The following MACROD2 variants were observed in gnomAD, a reference collection of about 807,000 sequenced individuals.
MACROD2 encodes the protein ADP-ribose glycohydrolase MACROD2.
In MACROD2, 36 loss-of-function variants were observed where a neutral mutation model predicts 70.4. The observed-to-expected ratio is 0.51, with a 90% CI of 0.39 to 0.68. The LOEUF is 0.68. Ranked by LOEUF, MACROD2 falls within the 30% of genes least tolerant of loss-of-function variation. MACROD2 has a pLI of 0.00. For synonymous variants in MACROD2, 172 were observed against 178.8 expected, an observed-to-expected ratio of 0.96 and a Z score of 0.30; for missense variants, 496 against 538.4, an observed-to-expected ratio of 0.92 and a Z score of 0.78.
intron 4 of MACROD2, among the ~76,000 whole-genome samples, chr20:14,654,169 C>G (rs796885477): frequency 2.6e-4 from 39 of 151,942 alleles, no homozygotes; most frequent in African/African-American, 8.0e-4. Flanking sequence ...AAAAAGAAAC[C>G]AAAAGTGCTA....
At chr20:16,002,697 C>T (rs57376692) in intron 15 of MACROD2, among the ~76,000 whole-genome samples, 1,663 of 152,272 alleles carry the variant, frequency 0.011, 24 homozygotes, top group African/African-American at 0.038. Context: ...GACACCTTGA[C>T]GCTAGCCTCA....
intron 6 of MACROD2, among the ~76,000 whole-genome samples, chr20:15,304,731 T>C (rs1451958799): frequency 2.7e-5 from 4 of 149,970 alleles, no homozygotes; most frequent in Admixed American, 2.0e-4. Context: ...GCCTGCCTTA[T>C]CTAAAAAAAA....
At chr20:14,107,349 A>G (rs1326400602) in intron 3 of MACROD2, among the ~76,000 whole-genome samples, 1 of 152,156 alleles carries the variant, frequency 6.6e-6, no homozygotes, top group Admixed American at 6.6e-5. Context: ...ATACACAGTC[A>G]GAAGAAACAA....
chr20:15,060,597 C>T (rs905434988), intron 5 of MACROD2, among the ~76,000 whole-genome samples: 1 of 152,160 alleles, frequency 6.6e-6, no homozygotes, highest in Non-Finnish European at 1.5e-5. Context: ...GCCTTCATTT[C>T]CCCAGCCTTT....
At chr20:15,554,040 G>A (rs1465908142) in intron 8 of MACROD2, among the ~76,000 whole-genome samples, 1 of 152,206 alleles carries the variant, frequency 6.6e-6, no homozygotes, top group East Asian at 1.9e-4. Flanking sequence ...GAAAAATAAG[G>A]GAGAGGGCTA....
intron 13 of MACROD2, among the ~76,000 whole-genome samples, chr20:15,982,403 A>G (rs1202206997): frequency 1.3e-5 from 2 of 152,150 alleles, no homozygotes; most frequent in Non-Finnish European, 2.9e-5. Flanking sequence ...TCTTTACTGT[A>G]CAAGTCTAAA....
intron 8 of MACROD2, among the ~76,000 whole-genome samples, chr20:15,664,117 A>C (rs1352637127): frequency 6.6e-6 from 1 of 152,218 alleles, no homozygotes; most frequent in African/African-American, 2.4e-5. Context: ...GACTAAATTA[A>C]AGAAATCACC....
At chr20:14,978,627 C>G (rs1199758793) in intron 5 of MACROD2, among the ~76,000 whole-genome samples, 2 of 145,560 alleles carry the variant, frequency 1.4e-5, no homozygotes, top group Non-Finnish European at 3.0e-5. Context: ...TCCCAACCCC[C>G]CCACCCCACC....
At chr20:14,917,983 T>C (rs1374656515) in intron 5 of MACROD2, among the ~76,000 whole-genome samples, 3 of 152,108 alleles carry the variant, frequency 2.0e-5, no homozygotes, top group Non-Finnish European at 4.4e-5. Context: ...TGTTTTGTTT[T>C]TGTTTTTGAG....
At chr20:14,572,194 A>C (rs1431943034) in intron 4 of MACROD2, among the ~76,000 whole-genome samples, 1 of 152,150 alleles carries the variant, frequency 6.6e-6, no homozygotes, top group Non-Finnish European at 1.5e-5. Context: ...TAGGCCAATC[A>C]TATATGGATT....
At chr20:15,476,147 T>A (rs566026046) in intron 7 of MACROD2, among the ~76,000 whole-genome samples, 30 of 152,332 alleles carry the variant, frequency 2.0e-4, no homozygotes, top group African/African-American at 7.0e-4. Context: ...CACTTCACAA[T>A]GTTATACTTT....
intron 5 of MACROD2, among the ~76,000 whole-genome samples, chr20:14,899,390 G>A (rs2073869059): frequency 6.6e-6 from 1 of 152,140 alleles, no homozygotes; most frequent in African/African-American, 2.4e-5. Context: ...AGATCAAGGT[G>A]CTGGGTTTGC....
chr20:14,219,334 C>A (rs925189329), intron 3 of MACROD2, among the ~76,000 whole-genome samples: 1 of 151,970 alleles, frequency 6.6e-6, no homozygotes, highest in African/African-American at 2.4e-5. Flanking sequence ...ATTGCTGAGA[C>A]CTTCCAGAGC....
In MACROD2 at chr20:14,186,920, GAGCAGTAGA is replaced by G. The variant is rs1174889863; in HGVS notation, c.271+101193_271+101201del. Among the ~76,000 whole-genome samples, 4 of 152,182 alleles carry G rather than the reference GAGCAGTAGA, an allele frequency of 2.6e-5. No individual in the cohort carries two copies. The East Asian group carries it at 7.7e-4, about 29-fold the overall frequency. On this transcript the variant is annotated intron_variant, in intron 3 of 17. Coordinates refer to ENST00000684519, the MANE Select transcript of MACROD2 (RefSeq NM_001351661.2). ...TATGTACACATGGACATAAAGATAG[GAGCAGTAGA>G]CACAGGGCACTGGGGACTATTTGAG...
chr20:14,085,799 A>C, intron 3 of MACROD2, 71 bp downstream of exon 3: 1 of 864,528 alleles, frequency 1.2e-6, no homozygotes, highest in Non-Finnish European at 1.7e-6. Flanking sequence ...ATAAATAAGA[A>C]TGTAAGTATT....
At chr20:14,563,890 A>G (rs774869052) in intron 4 of MACROD2, among the ~76,000 whole-genome samples, 1 of 151,982 alleles carries the variant, frequency 6.6e-6, no homozygotes, top group Non-Finnish European at 1.5e-5. Flanking sequence ...TGAATAGTGA[A>G]AGCAATCGTA....
intron 5 of MACROD2, among the ~76,000 whole-genome samples, chr20:14,973,309 G>A (rs116205923): frequency 0.012 from 1,701 of 141,682 alleles, 27 homozygotes; most frequent in African/African-American, 0.041. Flanking sequence ...TTGGTTCACT[G>A]CAACCTGGGT....
intron 5 of MACROD2, among the ~76,000 whole-genome samples, chr20:14,854,722 A>G (rs1293131547): frequency 1.3e-5 from 2 of 152,174 alleles, no homozygotes; most frequent in East Asian, 3.9e-4. Context: ...TCTCTTTAAG[A>G]AAAAGACAAA....
At chr20:15,062,781 G>T (rs75531626) in intron 5 of MACROD2, among the ~76,000 whole-genome samples, 1 of 152,144 alleles carries the variant, frequency 6.6e-6, no homozygotes, top group Non-Finnish European at 1.5e-5. Flanking sequence ...ATGTCTGTAC[G>T]TGGCAATCCG....
Sources: gnomAD v4.1 joint callset for allele counts (sites outside exome capture counted in the v4.1 genomes callset) on GRCh38, gnomAD v4.1.1 for gene constraint, MANE v1.5 for transcripts, NCBI Gene and HGNC (gene_info 2026-07-23, HGNC 2026-07-21) for gene names.